ODAD2: variants seen among roughly 807,000 people sequenced by gnomAD.
ODAD2 encodes outer dynein arm docking complex subunit 2, also known as outer dynein arm-docking complex subunit 2.
A neutral mutation model predicts 106.8 loss-of-function variants in ODAD2; 89 were observed. That is an observed-to-expected ratio of 0.83 (90% CI 0.70 to 0.99). The LOEUF is 0.99. ODAD2 is among the 50% of genes least tolerant of loss of function. ODAD2 has a pLI of 0.00. For synonymous variants in ODAD2, 404 were observed against 436.2 expected (o/e 0.93, Z 0.92); for missense variants, 1,168 against 1,238.5 (o/e 0.94, Z 0.85).
chr10:27,934,842 T>A (rs1845851389), intron 16 of ODAD2, among the ~76,000 whole-genome samples, 168 bp downstream of exon 16: 1 of 152,170 alleles, frequency 6.6e-6, no homozygotes, highest in African/African-American at 2.4e-5. Context: ...TGAGGTAATG[T>A]TTTGGCTCTG....
chr10:27,876,469 C>A lies in ODAD2; in HGVS notation c.2611-13847G>T, dbSNP rs138252726. ...TGGACCTCCAGCAAACTCCAGCAGA[C>A]CTGCAGCTGAGGGTCCTGACTGTTA... is the stretch of plus-strand genomic sequence containing the variant. On this transcript the variant is annotated intron_variant, in intron 17 of 19. Transcript: ENST00000305242. Among the ~76,000 whole-genome samples, 3 of 152,306 alleles carry A rather than the reference C, an allele frequency of 2.0e-5. No individual in the cohort carries two copies. The East Asian group carries it at 5.8e-4, about 29-fold the overall frequency.
intron 19 of ODAD2, among the ~76,000 whole-genome samples, chr10:27,823,907 G>A (rs1836815818): frequency 8.6e-6 from 1 of 116,340 alleles, no homozygotes; most frequent in African/African-American, 4.8e-5. Context: ...TTGGGAGGCC[G>A]AGGCGGGCGG....
At chr10:27,979,231 CAAAAAAAAA>C in intron 7 of ODAD2, among the ~76,000 whole-genome samples, 1 of 41,876 alleles carries the variant, frequency 2.4e-5, no homozygotes, top group Non-Finnish European at 5.2e-5. Context: ...GACTCCATCT[CAAAAAAAAA>C]AAAAAAAAAA....
chr10:27,828,515 G>A (rs1837240386), intron 19 of ODAD2, among the ~76,000 whole-genome samples: 1 of 152,126 alleles, frequency 6.6e-6, no homozygotes, highest in Admixed American at 6.5e-5. Flanking sequence ...TGTAGGTGTG[G>A]GACAGGAAGT....
At chr10:27,938,918 A>C in intron 14 of ODAD2, among the ~76,000 whole-genome samples, 1 of 152,014 alleles carries the variant, frequency 6.6e-6, no homozygotes, top group Non-Finnish European at 1.5e-5. Context: ...TCTTTTTGGC[A>C]TACTCTCTTG....
Position 27,944,256 on chromosome 10 carries a change from C to A in ODAD2, c.1709G>T (p.Arg570Leu). 6.2e-7 allele frequency: 1 copy of A among 1,613,528 alleles called. No homozygotes were observed. Among genetic ancestry groups the A allele is most frequent in the Non-Finnish European group, 8.5e-7 (1 of 1,179,966 alleles). Residue 570 changes from arginine to leucine, a missense_variant, in exon 12 of 20, where the codon CGG becomes CTG. Physicochemically the swap from Arg to Leu is moderately radical, Grantham distance 102. Around this residue, in one of 3 missense-constraint regions of ODAD2, gnomAD observed 701 missense variants for 712.3 expected, o/e 0.98. Transcript: ENST00000305242. Reference protein sequence around the residue: ...ANVAKFKRARRVVRQHGGITK... With the variant: ...ANVAKFKRARLVVRQHGGITK... ...GATACCCCCGTGCTGCCTCACCACC[C>A]GCCGTGCTCTTTTAAACTTGGCAAC... is the stretch of plus-strand genomic sequence containing the variant.
At chr10:27,946,088 T>G (rs896598119) in intron 10 of ODAD2, among the ~76,000 whole-genome samples, 1 of 148,988 alleles carries the variant, frequency 6.7e-6, no homozygotes, top group Non-Finnish European at 1.5e-5. Flanking sequence ...TATAAATTTA[T>G]TCATTATCTA....
intron 8 of ODAD2, among the ~76,000 whole-genome samples, chr10:27,970,720 T>C (rs1247574783): frequency 2.0e-5 from 3 of 152,254 alleles, no homozygotes; most frequent in Non-Finnish European, 4.4e-5. Flanking sequence ...TCCCAGCATT[T>C]TGGGAGGCTG....
intron 15 of ODAD2, among the ~76,000 whole-genome samples, chr10:27,936,154 T>C (rs1845958483): frequency 6.6e-6 from 1 of 152,178 alleles, no homozygotes; most frequent in Non-Finnish European, 1.5e-5. Flanking sequence ...AAGGAGAAGC[T>C]GCCTCAGAAT....
chr10:27,995,923 A>G (rs2133238691), intron 1 of ODAD2, among the ~76,000 whole-genome samples: 1 of 152,358 alleles, frequency 6.6e-6, no homozygotes, highest in South Asian at 2.1e-4. Context: ...AGATGTAGGA[A>G]TAAGTGAGAC....
chr10:27,849,737 T>C (rs1839101124), intron 19 of ODAD2, among the ~76,000 whole-genome samples: 1 of 152,152 alleles, frequency 6.6e-6, no homozygotes, highest in Admixed American at 6.5e-5. Context: ...TTCTCTATCA[T>C]AGAGAAGCAA....
chr10:27,877,752 T>A, intron 17 of ODAD2, among the ~76,000 whole-genome samples: 1 of 152,270 alleles, frequency 6.6e-6, no homozygotes, highest in East Asian at 1.9e-4. Context: ...CAATATTGGT[T>A]ATGCACAATT....
chr10:27,884,968 G>A (rs943234076), intron 17 of ODAD2, among the ~76,000 whole-genome samples: 13 of 152,096 alleles, frequency 8.5e-5, no homozygotes, highest in African/African-American at 2.7e-4. Context: ...CAAAAACTGA[G>A]AGAAGTGGCT....
intron 15 of ODAD2, 149 bp downstream of exon 15, chr10:27,936,577 C>G: frequency 1.1e-6 from 1 of 931,374 alleles, no homozygotes; most frequent in South Asian, 1.6e-5. Flanking sequence ...CTTTTCTATT[C>G]TAAGAATCCC....
At chr10:27,944,766 C>T in intron 11 of ODAD2, 50 bp downstream of exon 11, 3 of 1,610,924 alleles carry the variant, frequency 1.9e-6, no homozygotes, top group Non-Finnish European at 2.5e-6. Context: ...AGAAGAGAGC[C>T]CAGGAAGGTG....
chr10:27,946,214 T>A (rs1301247122), intron 10 of ODAD2, among the ~76,000 whole-genome samples: 1 of 148,302 alleles, frequency 6.7e-6, no homozygotes, highest in South Asian at 2.1e-4. Flanking sequence ...TATATAAATA[T>A]AAAAAATACC....
intron 19 of ODAD2, among the ~76,000 whole-genome samples, chr10:27,837,537 G>A (rs1837988440): frequency 6.6e-6 from 1 of 152,166 alleles, no homozygotes; most frequent in Admixed American, 6.5e-5. Flanking sequence ...TATATTTTAT[G>A]TTCTTATAAT....
At chr10:27,983,029 G>A (rs1849660204) in intron 6 of ODAD2, among the ~76,000 whole-genome samples, 1 of 152,196 alleles carries the variant, frequency 6.6e-6, no homozygotes, top group Admixed American at 6.5e-5. Context: ...GGCAGAGGGA[G>A]GAGGGACCTG....
intron 19 of ODAD2, among the ~76,000 whole-genome samples, chr10:27,841,993 A>T (rs1435757749): frequency 1.3e-5 from 2 of 152,162 alleles, no homozygotes; most frequent in Admixed American, 1.3e-4. Context: ...TTTTAGGCAC[A>T]TTCCTACCCT....
Sources: allele counts gnomAD v4.1 joint callset (sites outside exome capture counted in the v4.1 genomes callset), GRCh38; gene constraint gnomAD v4.1.1; regional missense constraint gnomAD v4.1.1; transcripts MANE v1.5; gene names NCBI Gene and HGNC (gene_info 2026-07-23, HGNC 2026-07-21).